The following CDH1 variants were observed in gnomAD, a reference collection of about 807,000 sequenced individuals.
CDH1 encodes the protein cadherin 1, also known as cadherin-1.
A neutral mutation model predicts 84.5 loss-of-function variants in CDH1; 35 were observed. That is an observed-to-expected ratio of 0.41 (90% CI 0.32 to 0.55). The LOEUF (loss-of-function observed/expected upper bound fraction) is 0.55. CDH1 is among the 20% of genes least tolerant of loss of function. The pLI, the probability that CDH1 is intolerant of heterozygous loss-of-function variation, is 0.19. For synonymous variants in CDH1, 417 were observed against 439.0 expected, an observed-to-expected ratio of 0.95 and a Z score of 0.63; for missense variants, 994 against 1,126.6, an observed-to-expected ratio of 0.88 and a Z score of 1.68.
Position 68,829,384 on chromosome 16 carries a change from C to G in CDH1, c.2296-270C>G, listed in dbSNP as rs562281974. ...GAGTGAATATTTGCCAAACAGTGATCTAATCATCATGTCCTATGAAAATTA... is the reference window on the plus strand; with the variant it reads ...GAGTGAATATTTGCCAAACAGTGATGTAATCATCATGTCCTATGAAAATTA... On this transcript the variant is annotated intron_variant, in intron 14 of 15. Transcript: ENST00000261769. 1.6e-4 allele frequency among the ~76,000 whole-genome samples: 24 copies of G among 152,288 alleles called. No individual in the cohort carries two copies. In the South Asian group the frequency reaches 4.1e-3, roughly 26 times the overall value.
intron 2 of CDH1, among the ~76,000 whole-genome samples, chr16:68,761,246 C>G (rs1959220190): frequency 6.6e-6 from 1 of 152,206 alleles, no homozygotes; most frequent in African/African-American, 2.4e-5. Flanking sequence ...CTCTGCCCTC[C>G]CGCTGCCTGG....
At chr16:68,777,579 C>T (rs116401096) in intron 2 of CDH1, among the ~76,000 whole-genome samples, 9,318 of 107,708 alleles carry the variant, frequency 0.087, 790 homozygotes, top group African/African-American at 0.25. Context: ...CTGATTCTGT[C>T]ACCCAAGCTG....
In CDH1 at chr16:68,801,749, T is replaced by G. The variant is rs765879351; in HGVS notation, c.243T>G (p.Gly81=). The part of the protein sequence containing the change: ...LDTRFKVGTD[G]VITVKRPLRF... ...CCCGATTCAAAGTGGGCACAGATGGTGTGATTACAGTCAAAAGGCCTCTAC... is the reference window on the plus strand; with the variant it reads ...CCCGATTCAAAGTGGGCACAGATGGGGTGATTACAGTCAAAAGGCCTCTAC... Residue 81 remains glycine (G), a synonymous_variant, in exon 3 of 16, where the codon GGT becomes GGG. Transcript: ENST00000261769. 1 of 1,614,186 alleles carries G rather than the reference T, an allele frequency of 6.2e-7. No individual in the cohort carries two copies. The highest frequency in any genetic ancestry group is 1.1e-5 in the South Asian group (1 of 91,084).
intron 9 of CDH1, among the ~76,000 whole-genome samples, chr16:68,815,298 A>G (rs956404768): frequency 6.6e-6 from 1 of 152,140 alleles, no homozygotes; most frequent in Non-Finnish European, 1.5e-5. Context: ...GATCCCTAGA[A>G]TAGCCCCAGC....
At chr16:68,815,134 G>A (rs1449148089) in intron 9 of CDH1, among the ~76,000 whole-genome samples, 2 of 152,122 alleles carry the variant, frequency 1.3e-5, no homozygotes, top group Non-Finnish European at 2.9e-5. Context: ...GGCTGAGGCA[G>A]GAGAATTGCT....
chr16:68,812,463 G>A (rs965208109), intron 8 of CDH1, among the ~76,000 whole-genome samples, 200 bp downstream of exon 8: 1 of 152,182 alleles, frequency 6.6e-6, no homozygotes, highest in Non-Finnish European at 1.5e-5. Context: ...GGGGCCAATT[G>A]GTGCAAGATT....
chr16:68,748,371 G>C (rs1962803238), intron 2 of CDH1, among the ~76,000 whole-genome samples: 1 of 152,188 alleles, frequency 6.6e-6, no homozygotes, highest in African/African-American at 2.4e-5. Context: ...CTCCCAAAGT[G>C]CTGGGATTAG....
At chr16:68,780,558 T>C (rs545182335) in intron 2 of CDH1, among the ~76,000 whole-genome samples, 1 of 152,294 alleles carries the variant, frequency 6.6e-6, no homozygotes, top group East Asian at 1.9e-4. Context: ...CCAAAGTGCT[T>C]GGGATTACGG....
intron 2 of CDH1, among the ~76,000 whole-genome samples, chr16:68,769,167 G>T (rs1959472137): frequency 6.6e-6 from 1 of 152,078 alleles, no homozygotes; most frequent in African/African-American, 2.4e-5. Flanking sequence ...TCTAGGGCTT[G>T]GGCTCAGAAT....
At chr16:68,771,971 C>A (rs1959592165) in intron 2 of CDH1, among the ~76,000 whole-genome samples, 1 of 152,080 alleles carries the variant, frequency 6.6e-6, no homozygotes. Flanking sequence ...AAATAGAGAC[C>A]ATCACTATTT....
intron 2 of CDH1, among the ~76,000 whole-genome samples, chr16:68,792,230 A>G (rs1597878234): frequency 1.8e-5 from 2 of 108,350 alleles, no homozygotes; most frequent in African/African-American, 7.9e-5. Flanking sequence ...CTAAACACTG[A>G]CTTTTTTTTT....
chr16:68,828,180 T>C lies in CDH1; in HGVS notation c.2171T>C (p.Ile724Thr). Residue 724 changes from isoleucine (I) to threonine (T), a missense_variant, in exon 14 of 16, where the codon ATT becomes ACT. Coordinates refer to ENST00000261769, the MANE Select transcript of CDH1 (RefSeq NM_004360.5). ...GTCTCCCCCACCATCCCAGTTCTGA[T>C]TCTGCTGCTCTTGCTGTTTCTTCGG... Reference protein sequence around the residue: ...LGGILALLILILLLLLFLRRR... With the variant: ...LGGILALLILTLLLLLFLRRR... The C allele has an allele frequency of 6.2e-7, 1 of 1,613,894 alleles. No homozygotes were observed. The highest frequency in any genetic ancestry group is 2.2e-5 in the East Asian group (1 of 44,878).
intron 1 of CDH1, among the ~76,000 whole-genome samples, chr16:68,738,033 A>C (rs1173204768): frequency 6.6e-6 from 1 of 151,884 alleles, no homozygotes; most frequent in African/African-American, 2.4e-5. Context: ...CAATAAAATG[A>C]GAAAGGAGAC....
In CDH1 at chr16:68,745,752, G is replaced by T. The variant is rs1383394402; in HGVS notation, c.163+7341G>T. On this transcript the variant is annotated intron_variant, in intron 2 of 15. Transcript: ENST00000261769. ...CAAATCACCTAGGGCACTTCATGCA[G>T]ACTTGCCCTCTTGCAGATTCACTGA... 2.0e-5 allele frequency among the ~76,000 whole-genome samples: 3 copies of T among 151,898 alleles called. No individual in the cohort carries two copies. In the East Asian group the frequency reaches 5.8e-4, roughly 29 times the overall value.
intron 2 of CDH1, among the ~76,000 whole-genome samples, chr16:68,745,552 A>ATATATATATATG (rs1962707558): frequency 3.1e-5 from 1 of 32,090 alleles, no homozygotes; most frequent in Non-Finnish European, 8.3e-5. Context: ...AAAAAAAAAT[A>ATATATATATATG]TATATATATA....
At chr16:68,748,898 G>C (rs1179080981) in intron 2 of CDH1, among the ~76,000 whole-genome samples, 1 of 152,202 alleles carries the variant, frequency 6.6e-6, no homozygotes, top group Non-Finnish European at 1.5e-5. Context: ...GGAGTGCAAT[G>C]GTGCAATTTT....
rs778382252 is a variant in CDH1, at chr16:68,808,811, C to A, written c.650C>A (p.Thr217Lys). The A allele has an allele frequency of 7.4e-6, 12 of 1,613,996 alleles. No individual in the cohort carries two copies. Among genetic ancestry groups the A allele is most frequent in the Non-Finnish European group, 9.3e-6 (11 of 1,180,024 alleles). Residue 217 changes from threonine to lysine, a missense_variant, in exon 5 of 16, where the codon ACA (threonine) becomes AAA (lysine). Around this residue, in one of 3 missense-constraint regions of CDH1, gnomAD observed 769 missense variants for 881.8 expected, o/e 0.87. Transcript: ENST00000261769. ...AGAGAAACAGGATGGCTGAAGGTGA[C>A]AGAGCCTCTGGATAGAGAACGCATT... ...IERETGWLKV[T>K]EPLDRERIAT...
intron 2 of CDH1, among the ~76,000 whole-genome samples, chr16:68,775,403 A>G (rs1402764442): frequency 6.6e-6 from 1 of 152,152 alleles, no homozygotes; most frequent in Non-Finnish European, 1.5e-5. Flanking sequence ...TGTGTTTATT[A>G]CAAACTCTCA....
chr16:68,779,681 A>C (rs1029309632), intron 2 of CDH1, among the ~76,000 whole-genome samples: 26 of 152,056 alleles, frequency 1.7e-4, no homozygotes. Context: ...ACATGATGAA[A>C]CCTCGTCTCT....
Sources: gnomAD v4.1 joint callset for allele counts (sites outside exome capture counted in the v4.1 genomes callset) on GRCh38, gnomAD v4.1.1 for gene constraint, gnomAD v4.1.1 regional missense constraint, MANE v1.5 for transcripts, NCBI Gene and HGNC (gene_info 2026-07-23, HGNC 2026-07-21) for gene names.